CENPF: variants seen among roughly 807,000 people sequenced by gnomAD.
CENPF encodes centromere protein F, also known as AH antigen.
CENPF carries 214 observed loss-of-function variants against 307.3 expected under a neutral mutation model. The ratio of observed to expected loss-of-function variants is 0.70; its 90% CI spans 0.62 to 0.78. The LOEUF is 0.78. Among genes scored for constraint, CENPF ranks in the 30% least tolerant of loss-of-function variants. The probability of loss-of-function intolerance (pLI) is 0.00; values close to 1 mark genes in which losing one functional copy is unlikely to be tolerated. For missense variants in CENPF, 3,401 were observed against 3,483.9 expected (o/e 0.98, Z 0.60); for synonymous variants, 1,259 against 1,270.6 (o/e 0.99, Z 0.19).
chr1:214,605,761 G>T, intron 1 of CENPF: 1 of 1,594,078 alleles, frequency 6.3e-7, no homozygotes, highest in Non-Finnish European at 8.5e-7. Context: ...CGTTGTGCCT[G>T]GTGCCCTCCA....
Position 214,659,141 on chromosome 1 carries a change from CCTT to C in CENPF, c.9141+117_9141+119del, listed in dbSNP as rs1401163356. ...TCAGGAGCGCTTTCAAAAAGTCTGA[CCTT>C]CTTGGTGTGGTGTAAGTCAGTCAGT... On this transcript the variant is annotated intron_variant, in intron 19 of 19. Coordinates refer to ENST00000366955, the MANE Select transcript of CENPF (RefSeq NM_016343.4). The surrounding 1 kb of genome is among the most constrained non-coding windows in gnomAD (Gnocchi z 4.4). The C allele has an allele frequency of 6.3e-6, 7 of 1,105,214 alleles. No individual in the cohort carries two copies. Among genetic ancestry groups the C allele is most frequent in the African/African-American group, 3.1e-5 (2 of 64,340 alleles). The allele number at this position is 1,105,214 out of a possible 1,614,324, so 68.5% of individuals were successfully genotyped here.
chr1:214,635,861 C>T (rs1252578161), intron 10 of CENPF, among the ~76,000 whole-genome samples: 1 of 152,222 alleles, frequency 6.6e-6, no homozygotes, highest in Non-Finnish European at 1.5e-5. Flanking sequence ...AATTCCCCAT[C>T]TTTCCCTGGT....
intron 1 of CENPF, among the ~76,000 whole-genome samples, chr1:214,607,611 T>C (rs1571690290): frequency 6.6e-6 from 1 of 152,070 alleles, no homozygotes; most frequent in Non-Finnish European, 1.5e-5. Context: ...GTCAGACCAG[T>C]GGGCTGGGCA....
chr1:214,649,999 T>G (rs1483457436), intron 14 of CENPF, among the ~76,000 whole-genome samples: 1 of 152,166 alleles, frequency 6.6e-6, no homozygotes, highest in East Asian at 1.9e-4. Flanking sequence ...TAATAAATCA[T>G]GAAATAGGCA....
Position 214,644,826 on chromosome 1 carries a change from T to C in CENPF, c.5256T>C (p.Ser1752=), listed in dbSNP as rs1658238847. 2 of 1,614,002 alleles carry C rather than the reference T, an allele frequency of 1.2e-6. No individual in the cohort carries two copies. The highest frequency in any genetic ancestry group is 1.7e-6 in the Non-Finnish European group (2 of 1,180,018). Reference sequence around the variant, plus strand: ...AATGCATTTCTGAATTGTCATTTTCTGGTCCTAATGCTTTGGTACCTATGG... The same window carrying C: ...AATGCATTTCTGAATTGTCATTTTCCGGTCCTAATGCTTTGGTACCTATGG... ...SSECISELSF[S]GPNALVPMDF... Residue 1752 remains serine, a synonymous_variant, in exon 13 of 20, where the codon TCT becomes TCC. Coordinates refer to ENST00000366955, the MANE Select transcript of CENPF (RefSeq NM_016343.4).
rs759611636 is a variant in CENPF at position 214,637,855 on chromosome 1, G to C, written c.1447-11G>C. ...CGTTTTGGCTATAACCAATTAAAAT[G>C]TGTGTTTTAGGAAATGAAGAAGGAA... On this transcript the variant is annotated splice_polypyrimidine_tract_variant and intron_variant, in intron 10 of 19. Coordinates refer to ENST00000366955, the MANE Select transcript of CENPF (RefSeq NM_016343.4). 1 of 1,599,116 alleles carries C rather than the reference G, an allele frequency of 6.3e-7. No individual in the cohort carries two copies.
rs746480005 is a variant in CENPF, at chr1:214,640,187, A to G, written c.1849A>G (p.Thr617Ala). ...ATATGAAGAATTGAAAGAAGAGAAA[A>G]CTCTGTTTTCTTGTTGGAAAAGTGA... ...KEYEELKEEK[T>A]LFSCWKSENE... The change falls in exon 12 of 20, where the codon ACT (threonine) becomes GCT (alanine). Residue 617 changes from threonine to alanine, a missense_variant. Physicochemically the swap from Thr to Ala is moderately conservative, Grantham distance 58 (BLOSUM62 0). Coordinates refer to ENST00000366955, the MANE Select transcript of CENPF (RefSeq NM_016343.4). 1 of 1,595,454 alleles carries G rather than the reference A, an allele frequency of 6.3e-7. No homozygotes were observed. Among genetic ancestry groups the G allele is most frequent in the South Asian group, 1.2e-5 (1 of 86,560 alleles).
intron 7 of CENPF, 35 bp from the exon 8 acceptor site, chr1:214,629,011 T>C (rs772768295): frequency 1.4e-6 from 2 of 1,468,194 alleles, no homozygotes; most frequent in Admixed American, 4.6e-5. Flanking sequence ...GTGAGTAATA[T>C]TTATTTTGTC....
chr1:214,645,107 T>C lies in CENPF; in HGVS notation c.5537T>C (p.Leu1846Ser). The change falls in exon 13 of 20, where the codon TTG becomes TCG. Residue 1846 changes from leucine to serine, a missense_variant. Physicochemically the swap from Leu to Ser is moderately radical, Grantham distance 145 (BLOSUM62 -2). Coordinates refer to ENST00000366955, the MANE Select transcript of CENPF (RefSeq NM_016343.4). ...KKENSDLSEK[L>S]EYFSCDHQEL... ...GAAAACTCAGATTTAAGTGAAAAAT[T>C]GGAATATTTTTCTTGTGATCACCAG... is the stretch of plus-strand genomic sequence containing the variant. 1 of 1,612,782 alleles carries C rather than the reference T, an allele frequency of 6.2e-7. No individual in the cohort carries two copies. Among genetic ancestry groups the C allele is most frequent in the South Asian group, 1.1e-5 (1 of 90,770 alleles).
At chr1:214,654,878 A>G (rs1018851339) in intron 16 of CENPF, among the ~76,000 whole-genome samples, 1 of 152,224 alleles carries the variant, frequency 6.6e-6, no homozygotes, top group Non-Finnish European at 1.5e-5. Context: ...ACAAATGGGA[A>G]CACAATTCTG....
In CENPF at chr1:214,629,080, C is replaced by T. The variant is rs749543818; in HGVS notation, c.1103C>T (p.Thr368Met). ...TALEQKLKKL[T>M]EDLSCQRQNA... ...TTGGAACAAAAACTGAAAAAATTGA[C>T]GGAAGATTTGAGTTGTCAGCGACAA... The change falls in exon 8 of 20, where the codon ACG becomes ATG. Residue 368 changes from threonine to methionine, a missense_variant. Thr to Met is a moderately conservative substitution (Grantham distance 81). Coordinates refer to ENST00000366955, the MANE Select transcript of CENPF (RefSeq NM_016343.4). 5.2e-5 allele frequency: 84 copies of T among 1,608,564 alleles called. No homozygotes were observed. The highest frequency in any genetic ancestry group is 1.5e-4 in the African/African-American group (11 of 74,534).
intron 1 of CENPF, chr1:214,606,003 G>A (rs974220634): frequency 2.5e-6 from 4 of 1,596,790 alleles, no homozygotes; most frequent in African/African-American, 1.3e-5. Context: ...CACTCGTAGC[G>A]CGAGGCCAGG....
chr1:214,624,841 T>C (rs964494681), intron 7 of CENPF, among the ~76,000 whole-genome samples: 1 of 152,228 alleles, frequency 6.6e-6, no homozygotes, highest in African/African-American at 2.4e-5. Context: ...ACTTGCTGAT[T>C]TTCTGTTTAG....
Position 214,645,212 on chromosome 1 carries a change from A to C in CENPF, c.5642A>C (p.Asp1881Ala), listed in dbSNP as rs1214287894. ...EMHADKSSREDIGDNVAKVND... is the reference protein window; with the variant it reads ...EMHADKSSREAIGDNVAKVND... ...CATGCAGATAAATCATCACGTGAAGATATTGGAGATAATGTGGCCAAGGTG... is the reference window on the plus strand; with the variant it reads ...CATGCAGATAAATCATCACGTGAAGCTATTGGAGATAATGTGGCCAAGGTG... Residue 1881 changes from aspartate to alanine, a missense_variant, in exon 13 of 20, where the codon GAT (aspartate) becomes GCT (alanine). By Grantham distance (126) the Asp-to-Ala change is moderately radical. Coordinates refer to ENST00000366955, the MANE Select transcript of CENPF (RefSeq NM_016343.4). The C allele has an allele frequency of 1.2e-6, 2 of 1,614,032 alleles. No individual in the cohort carries two copies. Among genetic ancestry groups the C allele is most frequent in the South Asian group, 1.1e-5 (1 of 91,082 alleles).
rs577109870 is a variant in CENPF, at chr1:214,618,441, A to T, written c.360-132A>T. 1.2e-4 allele frequency: 129 copies of T among 1,119,328 alleles called. 1 individual carries two copies. The East Asian group carries it at 1.8e-3, about 15-fold the overall frequency. The allele number at this position is 1,119,328 out of a possible 1,614,324, so 69.3% of individuals were successfully genotyped here. On this transcript the variant is annotated intron_variant, in intron 3 of 19. Transcript: ENST00000366955. ...GACCTTATGAAATGCCTGTTGGATA[A>T]ATGAAATGGTTAAGAATTCTTAGTG...
intron 1 of CENPF, chr1:214,605,557 G>A (rs1656999217): frequency 2.8e-6 from 2 of 710,710 alleles, no homozygotes; most frequent in Admixed American, 5.3e-5. Flanking sequence ...CACAGCCCCT[G>A]GGTTGGAGCG....
chr1:214,639,077 T>C (rs1332296150), intron 11 of CENPF, among the ~76,000 whole-genome samples: 1 of 152,238 alleles, frequency 6.6e-6, no homozygotes, highest in African/African-American at 2.4e-5. Context: ...GCTTTCCACT[T>C]GATATGATGT....
In CENPF at chr1:214,641,620, A is replaced by G; in HGVS notation, c.3282A>G (p.Glu1094=). Residue 1094 remains glutamate (E), a synonymous_variant, in exon 12 of 20, where the codon GAA becomes GAG. Transcript: ENST00000366955. ...EFLTKLAFAE[E]RNQNLMLELE... The stretch of plus-strand genomic sequence containing the variant: ...TAACAAAATTAGCATTTGCTGAAGA[A>G]AGAAATCAGAATCTGATGCTAGAGT... The G allele has an allele frequency of 6.4e-7, 1 of 1,562,440 alleles. No individual in the cohort carries two copies. Among genetic ancestry groups the G allele is most frequent in the South Asian group, 1.2e-5 (1 of 82,092 alleles).
chr1:214,642,507 A>G lies in CENPF; in HGVS notation c.4169A>G (p.Tyr1390Cys). ...SLAPLDESNS[Y>C]EHLTLSDKEV... ...GCTCCATTGGACGAGAGTAATTCCTACGAGCACTTGACATTGTCAGACAAA... is the reference window on the plus strand; with the variant it reads ...GCTCCATTGGACGAGAGTAATTCCTGCGAGCACTTGACATTGTCAGACAAA... The change falls in exon 12 of 20, where the codon TAC becomes TGC. Residue 1390 changes from tyrosine to cysteine, a missense_variant. Physicochemically the swap from Tyr to Cys is radical, Grantham distance 194. Transcript: ENST00000366955. 6.2e-7 allele frequency: 1 copy of G among 1,611,668 alleles called. No homozygotes were observed. Among genetic ancestry groups the G allele is most frequent in the Non-Finnish European group, 8.5e-7 (1 of 1,178,884 alleles).
Sources: gnomAD v4.1 joint callset for allele counts (sites outside exome capture counted in the v4.1 genomes callset) on GRCh38, gnomAD v4.1.1 for gene constraint, Gnocchi (gnomAD v3.1) non-coding constraint, MANE v1.5 for transcripts, NCBI Gene and HGNC (gene_info 2026-07-23, HGNC 2026-07-21) for gene names.